Variants in LATS1 observed in about 807,000 individuals in gnomAD.
LATS1 encodes the protein serine/threonine-protein kinase LATS1.
Under a neutral mutation model 106.6 loss-of-function variants are expected in LATS1, and 25 were observed. The ratio of observed to expected loss-of-function variants is 0.23; its 90% CI spans 0.17 to 0.33. The LOEUF is 0.33. LATS1 is among the 10% of genes least tolerant of loss of function. The pLI is 1.00. For synonymous variants in LATS1, 465 were observed against 455.6 expected (o/e 1.02, Z -0.26); for missense variants, 1,040 against 1,382.6 (o/e 0.75, Z 3.93).
Position 149,683,900 on chromosome 6 carries a change from G to A in LATS1, c.1189C>T (p.Pro397Ser), listed in dbSNP as rs1042139265. 6.2e-7 allele frequency: 1 copy of A among 1,614,144 alleles called. No individual in the cohort carries two copies. The highest frequency in any genetic ancestry group is 8.5e-7 in the Non-Finnish European group (1 of 1,180,028). Residue 397 changes from proline to serine, a missense_variant, in exon 4 of 8, where the codon CCT becomes TCT. Pro to Ser is a moderately conservative substitution (Grantham distance 74). Transcript: ENST00000543571. ...ATACTTCCATTTGTATATGACGAAG[G>A]AGCAGCAGATCCCCCTGTTTGTAAA... ...SALQTGGSAA[P>S]SSYTNGSIPQ...
chr6:149,677,396 A>G (rs972371589), intron 5 of LATS1, among the ~76,000 whole-genome samples: 3 of 152,370 alleles, frequency 2.0e-5, no homozygotes, highest in African/African-American at 7.2e-5. Flanking sequence ...GGAGAACTGT[A>G]GGAAATGGGG....
intron 7 of LATS1, among the ~76,000 whole-genome samples, chr6:149,665,726 A>G (rs1781109903): frequency 6.6e-6 from 1 of 152,202 alleles, no homozygotes. Context: ...AAAGAGATCT[A>G]TCTGCCTAGA....
intron 3 of LATS1, among the ~76,000 whole-genome samples, chr6:149,687,098 T>TA (rs1247491208): frequency 2.0e-5 from 3 of 151,726 alleles, no homozygotes; most frequent in Non-Finnish European, 4.4e-5. Flanking sequence ...GATTTTTATT[T>TA]TTTTTTTTTT....
intron 7 of LATS1, among the ~76,000 whole-genome samples, chr6:149,666,067 G>A (rs998476985): frequency 2.0e-5 from 3 of 149,804 alleles, no homozygotes; most frequent in Admixed American, 6.7e-5. Context: ...GCTTGAACCT[G>A]GGTGGTGTAG....
At chr6:149,682,831 C>T (rs756567984) in intron 4 of LATS1, 11 of 505,740 alleles carry the variant, frequency 2.2e-5, no homozygotes, top group Non-Finnish European at 3.0e-5. Context: ...AAACTGTATA[C>T]CGCAAATTAT....
At chr6:149,669,616 C>A (rs1019752473) in intron 7 of LATS1, among the ~76,000 whole-genome samples, 1 of 151,706 alleles carries the variant, frequency 6.6e-6, no homozygotes, top group African/African-American at 2.4e-5. Flanking sequence ...ATAAAATTAG[C>A]CAAGCGTGAT....
intron 4 of LATS1, 148 bp from the exon 5 acceptor site, chr6:149,680,605 AG>A: frequency 1.5e-6 from 1 of 646,288 alleles, no homozygotes; most frequent in Non-Finnish European, 2.6e-6. Context: ...AACATTTCAA[AG>A]GAAATTAATG....
chr6:149,714,954 AT>A (rs1469660089), intron 1 of LATS1, among the ~76,000 whole-genome samples: 2 of 152,188 alleles, frequency 1.3e-5, no homozygotes, highest in African/African-American at 4.8e-5. Context: ...CTTATCTTAG[AT>A]TTAGTGGTAT....
chr6:149,676,111 C>T, intron 7 of LATS1, 149 bp downstream of exon 7: 1 of 605,296 alleles, frequency 1.7e-6, no homozygotes, highest in Non-Finnish European at 3.0e-6. Flanking sequence ...CTCAGCCTCC[C>T]AAAGAACTGG....
At chr6:149,693,170 G>A (rs1379630964) in intron 3 of LATS1, among the ~76,000 whole-genome samples, 1 of 151,994 alleles carries the variant, frequency 6.6e-6, no homozygotes, top group Non-Finnish European at 1.5e-5. Flanking sequence ...GGCTGACGCT[G>A]GAGAACTGCT....
At chr6:149,666,139 CAAAAAA>C (rs35062371) in intron 7 of LATS1, among the ~76,000 whole-genome samples, 2 of 57,108 alleles carry the variant, frequency 3.5e-5, no homozygotes, top group African/African-American at 1.5e-4. Context: ...ACTCCGTCTC[CAAAAAA>C]AAAAAAAAAA....
chr6:149,710,419 G>C (rs532194737), intron 1 of LATS1, among the ~76,000 whole-genome samples: 14 of 152,324 alleles, frequency 9.2e-5, no homozygotes, highest in South Asian at 6.2e-4. Context: ...TAGGGAAGCT[G>C]GTAATTACTG....
intron 3 of LATS1, among the ~76,000 whole-genome samples, chr6:149,690,581 C>A (rs7742138): frequency 0.011 from 1,618 of 149,252 alleles, 30 homozygotes; most frequent in African/African-American, 0.039. Context: ...GGGGCTCACT[C>A]TATTGCTCAG....
chr6:149,699,425 T>C (rs1407511057), intron 2 of LATS1, among the ~76,000 whole-genome samples: 2 of 152,060 alleles, frequency 1.3e-5, no homozygotes, highest in Non-Finnish European at 2.9e-5. Context: ...GTGTGTGATC[T>C]TTCTGCCCTC....
intron 3 of LATS1, among the ~76,000 whole-genome samples, chr6:149,690,213 CTTTTTTTTT>C: frequency 8.0e-6 from 1 of 125,476 alleles, no homozygotes; most frequent in East Asian, 2.7e-4. Flanking sequence ...TTCTTTTTTT[CTTTTTTTTT>C]TTTTTTTTGA....
intron 1 of LATS1, among the ~76,000 whole-genome samples, chr6:149,711,627 C>G (rs1030911886): frequency 6.6e-6 from 1 of 152,004 alleles, no homozygotes; most frequent in East Asian, 1.9e-4. Flanking sequence ...AATTTAAAAC[C>G]CTTGGGTCCC....
At position 149,680,534 on chromosome 6, in the gene LATS1, T is replaced by G. The variant is rs143273147; in HGVS notation, c.2011-77A>C. The G allele has an allele frequency of 3.8e-3, 3,926 of 1,032,384 alleles. 14 individuals are homozygous for G. The highest frequency in any genetic ancestry group is 4.3e-3 in the Non-Finnish European group (3,014 of 700,776). 64.0% of individuals were successfully genotyped at this position (1,032,384 alleles called of 1,614,324 possible). A position where few individuals can be genotyped will look rare whatever the true frequency, so the allele number is the denominator to read the frequency against. ...TATTAAGAAATAGCTTGGGAAAAAT[T>G]CAGGCATATATTTAAAGGTTAAATG... On this transcript the variant is annotated intron_variant, in intron 4 of 7. Transcript: ENST00000543571.
rs1055931013 is a variant in LATS1 at position 149,660,367 on chromosome 6, C to T, written c.*1362G>A. 1.3e-5 allele frequency: 3 copies of T among 232,994 alleles called. No individual in the cohort carries two copies. The highest frequency in any genetic ancestry group is 2.5e-5 in the Non-Finnish European group (3 of 117,986). 14.4% of individuals were successfully genotyped at this position (232,994 alleles called of 1,614,324 possible). On this transcript the variant is annotated 3_prime_UTR_variant, in exon 8 of 8. Coordinates refer to ENST00000543571, the MANE Select transcript of LATS1 (RefSeq NM_004690.4). ...AACAGCTCTGCCTTTAATTTTACTA[C>T]ATATACGGTTTCAATTAGCTTTTAT...
At chr6:149,703,176 T>C (rs1474117205) in intron 1 of LATS1, among the ~76,000 whole-genome samples, 1 of 152,154 alleles carries the variant, frequency 6.6e-6, no homozygotes, top group Non-Finnish European at 1.5e-5. Flanking sequence ...GGTTTCACTA[T>C]GTTGGCCAGG....
Sources: allele counts gnomAD v4.1 joint callset (sites outside exome capture counted in the v4.1 genomes callset), GRCh38; gene constraint gnomAD v4.1.1; transcripts MANE v1.5; gene names NCBI Gene and HGNC (gene_info 2026-07-23, HGNC 2026-07-21).